The following RGPD1 variants were observed in gnomAD, a reference collection of about 807,000 sequenced individuals.
The protein encoded by RGPD1 is RANBP2-like and GRIP domain-containing protein 1.
Under a neutral mutation model 40.6 loss-of-function variants are expected in RGPD1, and 7 were observed. The observed-to-expected ratio is 0.17, with a 90% CI of 0.10 to 0.32. RGPD1 has a LOEUF of 0.32. Ranked by LOEUF, RGPD1 falls within the 10% of genes least tolerant of loss-of-function variation. The pLI is 1.00. For missense variants in RGPD1, 50 were observed against 472.5 expected (o/e 0.11, Z 8.29); for synonymous variants, 24 against 167.0 (o/e 0.14, Z 6.60).
At chr2:86,941,747 C>CT (rs1348215053), upstream of RGPD1, among the ~76,000 whole-genome samples, 2 of 150,080 alleles carry the variant, frequency 1.3e-5, no homozygotes, top group African/African-American at 5.0e-5. Context: ...AAGTCTTACT[C>CT]TCGCCCAGGC....
intron 22 of RGPD1, among the ~76,000 whole-genome samples, chr2:87,007,336 GA>G (rs1682088970): frequency 1.4e-5 from 2 of 147,360 alleles, no homozygotes; most frequent in Admixed American, 1.4e-4. Context: ...GAGTAGCTGG[GA>G]CTGTAGGTGC....
chr2:86,945,330 T>C (rs1680268766), intron 1 of RGPD1, among the ~76,000 whole-genome samples: 1 of 152,082 alleles, frequency 6.6e-6, no homozygotes, highest in Non-Finnish European at 1.5e-5. Context: ...TTGGAACATG[T>C]GAAGCTATTC....
rs1352877641 is a variant in RGPD1, at chr2:87,011,429, TAGAC to T, written c.5237-1080_5237-1077del. On this transcript the variant is annotated intron_variant, in intron 22 of 22. Coordinates refer to ENST00000641458, the MANE Select transcript of RGPD1 (RefSeq NM_001382344.1). ...CATTGCTACTGTGACAGCCAAGTCT[TAGAC>T]AGAGAGCCAAAATATTTTTATTGCA... Among the ~76,000 whole-genome samples, 15 of 23,836 alleles carry T rather than the reference TAGAC, an allele frequency of 6.3e-4. 2 individuals carry two copies. Among genetic ancestry groups the T allele is most frequent in the Admixed American group, 7.2e-4 (2 of 2,794 alleles). 15.6% of individuals were successfully genotyped at this position (23,836 alleles called of 152,430 possible). A position where few individuals can be genotyped will look rare whatever the true frequency, so the allele number is the denominator to read the frequency against.
upstream of RGPD1, among the ~76,000 whole-genome samples, chr2:86,939,102 G>A (rs988323620): frequency 1.6e-4 from 18 of 113,146 alleles, no homozygotes; most frequent in Non-Finnish European, 2.9e-4. Flanking sequence ...CAACATGGTA[G>A]GAATATATGA....
At chr2:86,939,215 G>C (rs4971896), upstream of RGPD1, among the ~76,000 whole-genome samples, 91,458 of 91,464 alleles carry the variant, frequency 1, 45,726 homozygotes, top group Middle Eastern at 1. Flanking sequence ...GTGAAAATCC[G>C]TAATAAATGC....
chr2:86,914,042 C>CGGCCTCGGCCTCGGCCCCGGCCTGGCCG (rs1677591088), intron 1 of RGPD1: 1 of 47,936 alleles, frequency 2.1e-5, no homozygotes, highest in Non-Finnish European at 4.1e-5. Context: ...GCGGCGGCGG[C>CGGCCTCGGCCTCGGCCCCGGCCTGGCCG]GGCGGCGGCG....
At position 86,942,640 on chromosome 2, in the gene RGPD1, CCGGCCTCGACCTGGCCGGGCGGCGGCGG is replaced by C. The variant is rs1479275623; in HGVS notation, c.72+358_72+385del. 5.3e-3 allele frequency among the ~76,000 whole-genome samples: 653 copies of C among 123,592 alleles called. 21 individuals carry two copies. The highest frequency in any genetic ancestry group is 0.029 in the Admixed American group (365 of 12,426). The allele number at this position is 123,592 out of a possible 152,430, so 81.1% of individuals were successfully genotyped here. On this transcript the variant is annotated intron_variant, in intron 1 of 22. Coordinates refer to ENST00000641458, the MANE Select transcript of RGPD1 (RefSeq NM_001382344.1). ...CTCCCTGGCGCGCTCTGTTGAGGCG[CCGGCCTCGACCTGGCCGGGCGGCGGCGG>C]CGGCCTCGACCTGGCCGGGCGGCGG...
At chr2:86,923,308 G>C (rs1434135766) in intron 1 of RGPD1, among the ~76,000 whole-genome samples, 2 of 151,598 alleles carry the variant, frequency 1.3e-5, no homozygotes, top group African/African-American at 4.9e-5. Context: ...CCAAAGTGCT[G>C]GGATTACAGG....
Position 86,943,962 on chromosome 2 carries a change from C to T in RGPD1, c.72+1654C>T, listed in dbSNP as rs564846794. 7.3e-5 allele frequency among the ~76,000 whole-genome samples: 11 copies of T among 151,336 alleles called. No homozygotes were observed. In the East Asian group the frequency reaches 1.2e-3, roughly 16 times the overall value. ...CCGGGAGGTGGAGGTTCCAGTGAGC[C>T]GAGGTCGCGCTACTGCACTCCAGCC... On this transcript the variant is annotated intron_variant, in intron 1 of 22. Coordinates refer to ENST00000641458, the MANE Select transcript of RGPD1 (RefSeq NM_001382344.1).
intron 1 of RGPD1, among the ~76,000 whole-genome samples, chr2:86,944,444 AC>A (rs1680181318): frequency 6.6e-6 from 1 of 151,130 alleles, no homozygotes; most frequent in Non-Finnish European, 1.5e-5. Context: ...TCACTCTGTC[AC>A]CCAGCTGGAT....
intron 1 of RGPD1, among the ~76,000 whole-genome samples, chr2:86,931,246 T>C (rs970239641): frequency 6.6e-6 from 1 of 151,708 alleles, no homozygotes; most frequent in African/African-American, 2.4e-5. Flanking sequence ...CCTTTCCTTT[T>C]TCACTGCTTT....
At chr2:87,007,595 TCTCAAACTTCTGGC>T (rs1234147303) in intron 22 of RGPD1, among the ~76,000 whole-genome samples, 1 of 151,776 alleles carries the variant, frequency 6.6e-6, no homozygotes, top group Non-Finnish European at 1.5e-5. Context: ...GCAAAACTGG[TCTCAAACTTCTGGC>T]CTCAGGTGAT....
In RGPD1 at chr2:86,914,925, A is replaced by G. The variant is rs1361560280; in HGVS notation, c.72+1004A>G. Among the ~76,000 whole-genome samples, 22 of 65,372 alleles carry G rather than the reference A, an allele frequency of 3.4e-4. 2 individuals carry two copies. Among genetic ancestry groups the G allele is most frequent in the Middle Eastern group, 8.5e-3 (1 of 118 alleles). 42.9% of individuals were successfully genotyped at this position (65,372 alleles called of 152,430 possible). ...GGCGGCGGCGGAGGCGGCGGCCTCG[A>G]CCTGGCCGGGCGGCGGCGGCGGCGG... On this transcript the variant is annotated intron_variant, in intron 1 of 22. Coordinates refer to the RGPD1 transcript ENST00000398193.
At chr2:86,984,945 C>T in intron 19 of RGPD1, 97 bp downstream of exon 19, 1 of 18,022 alleles carries the variant, frequency 5.5e-5, no homozygotes, top group East Asian at 2.8e-3. Flanking sequence ...ACTATTAAAA[C>T]TTTTATGTCC....
chr2:87,006,760 CAGAAAAA>C (rs1682062187), intron 22 of RGPD1, among the ~76,000 whole-genome samples: 1 of 64,778 alleles, frequency 1.5e-5, no homozygotes, highest in Non-Finnish European at 2.7e-5. Context: ...GACTCCGTCT[CAGAAAAA>C]AAAACACTAC....
chr2:86,925,167 A>G (rs71411892), intron 1 of RGPD1, among the ~76,000 whole-genome samples: 7 of 152,130 alleles, frequency 4.6e-5, no homozygotes, highest in Admixed American at 2.6e-4. Flanking sequence ...TGTTCTAGAC[A>G]TGAGTTCTTG....
In RGPD1 at chr2:86,988,454, A is replaced by C. The variant is rs1303776292; in HGVS notation, c.4900+655A>C. Among the ~76,000 whole-genome samples, 8 of 101,788 alleles carry C rather than the reference A, an allele frequency of 7.9e-5. 2 individuals carry two copies. The highest frequency in any genetic ancestry group is 4.2e-5 in the Non-Finnish European group (2 of 48,014). The allele number at this position is 101,788 out of a possible 152,430, so 66.8% of individuals were successfully genotyped here. A position where few individuals can be genotyped will look rare whatever the true frequency, so the allele number is the denominator to read the frequency against. On this transcript the variant is annotated intron_variant, in intron 20 of 22. Transcript: ENST00000641458. Reference sequence around the variant, plus strand: ...AGACTTTGTCTCCAAAAAAAAAAAAAAAAAACAAAAAAACAAAAAAAACCA... The same window carrying C: ...AGACTTTGTCTCCAAAAAAAAAAAACAAAAACAAAAAAACAAAAAAAACCA...
At chr2:86,929,630 C>T (rs895799743) in intron 1 of RGPD1, among the ~76,000 whole-genome samples, 3 of 132,500 alleles carry the variant, frequency 2.3e-5, no homozygotes, top group African/African-American at 8.2e-5. Context: ...GGTAAATTTC[C>T]CAAGATCACA....
chr2:86,914,477 T>G (rs1164100571), intron 1 of RGPD1, among the ~76,000 whole-genome samples: 24 of 2,002 alleles, frequency 0.012, 4 homozygotes, highest in African/African-American at 0.05. Context: ...GGCGGCGGCC[T>G]CGGCCTCGGC....
Sources: allele counts gnomAD v4.1 joint callset (sites outside exome capture counted in the v4.1 genomes callset), GRCh38; gene constraint gnomAD v4.1.1; transcripts MANE v1.5; gene names NCBI Gene and HGNC (gene_info 2026-07-23, HGNC 2026-07-21).